The following FAM222A variants were observed in gnomAD, a reference collection of about 807,000 sequenced individuals.
FAM222A encodes family with sequence similarity 222 member A, also known as protein FAM222A.
A neutral mutation model predicts 25.8 loss-of-function variants in FAM222A; 7 were observed. The ratio of observed to expected loss-of-function variants is 0.27; its 90% confidence interval spans 0.15 to 0.51. FAM222A has a LOEUF of 0.51. Among genes scored for constraint, FAM222A ranks in the 20% least tolerant of loss-of-function variants. The pLI, the probability that FAM222A is intolerant of heterozygous loss-of-function variation, is 0.97. For synonymous variants in FAM222A, 294 were observed against 298.8 expected, an observed-to-expected ratio of 0.98 and a Z score of 0.17; for missense variants, 573 against 640.5, an observed-to-expected ratio of 0.89 and a Z score of 1.14.
At position 109,768,755 on chromosome 12, in the gene FAM222A, G is replaced by T; in HGVS notation, c.826G>T (p.Ala276Ser). The change falls in exon 3 of 3, where the codon GCA becomes TCA. Residue 276 changes from alanine (A) to serine (S), a missense_variant. Coordinates refer to ENST00000538780, the MANE Select transcript of FAM222A (RefSeq NM_032829.3). Reference sequence around the variant, plus strand: ...GACGTTGGCTGGGGCCGCCAAGCCTGCAGGGTACGCAGACAGCGGCCTGGA... The same window carrying T: ...GACGTTGGCTGGGGCCGCCAAGCCTTCAGGGTACGCAGACAGCGGCCTGGA... ...ALTLAGAAKP[A>S]GYADSGLDYL... 1 of 1,581,320 alleles carries T rather than the reference G, an allele frequency of 6.3e-7. No homozygotes were observed. The highest frequency in any genetic ancestry group is 1.1e-5 in the South Asian group (1 of 88,526).
Position 109,769,840 on chromosome 12 carries a change from A to T in FAM222A, c.*552A>T, listed in dbSNP as rs1349893987. The stretch of plus-strand genomic sequence containing the variant: ...GACCACTCTGACAGAGGCTCCAGGG[A>T]CTATACCAGTCCCCCTGTTCCTCCT... On this transcript the variant is annotated 3_prime_UTR_variant, in exon 3 of 3. Transcript: ENST00000538780. The T allele has an allele frequency of 6.4e-6, 1 of 156,248 alleles. No homozygotes were observed. The allele number at this position is 156,248 out of a possible 1,614,324, so 9.7% of individuals were successfully genotyped here.
chr12:109,753,738 CG>C (rs1351050604), intron 2 of FAM222A, among the ~76,000 whole-genome samples: 1 of 151,312 alleles, frequency 6.6e-6, no homozygotes, highest in Non-Finnish European at 1.5e-5. Context: ...CTCAGGACGC[CG>C]ACAGGCTGGA....
chr12:109,756,181 G>A (rs923391162), intron 2 of FAM222A, among the ~76,000 whole-genome samples: 3 of 152,000 alleles, frequency 2.0e-5, no homozygotes, highest in Admixed American at 6.6e-5. Context: ...TTCCTCAGTC[G>A]TCTTTTTGAT....
intron 1 of FAM222A, among the ~76,000 whole-genome samples, chr12:109,722,326 G>A (rs555965001): frequency 2.0e-5 from 3 of 152,348 alleles, no homozygotes; most frequent in South Asian, 4.1e-4. Flanking sequence ...TCTTTCAGCA[G>A]AGTAACAGTG....
At chr12:109,718,716 C>T (rs370537212) in intron 1 of FAM222A, among the ~76,000 whole-genome samples, 10 of 152,232 alleles carry the variant, frequency 6.6e-5, no homozygotes, top group African/African-American at 2.4e-4. Flanking sequence ...CGCCGCCCGC[C>T]GCCCTGATTG....
intron 2 of FAM222A, among the ~76,000 whole-genome samples, chr12:109,748,235 T>C (rs1484268766): frequency 6.6e-6 from 1 of 152,150 alleles, no homozygotes; most frequent in Non-Finnish European, 1.5e-5. Flanking sequence ...CCCCAGTTGG[T>C]CATGGTAAAT....
At chr12:109,733,024 G>A (rs1296397903) in intron 1 of FAM222A, among the ~76,000 whole-genome samples, 1 of 152,166 alleles carries the variant, frequency 6.6e-6, no homozygotes, top group Non-Finnish European at 1.5e-5. Flanking sequence ...GCAGAAGGTT[G>A]CCAGCTTGAC....
rs1280623217 is a variant in FAM222A, at chr12:109,739,608, T to C, written c.-46-4493T>C. Reference sequence around the variant, plus strand: ...CCCTTCCCCTCCTCTCACCCCTTCCTTCTGTGATCCCAGCCCCTCCCACAG... The same window carrying C: ...CCCTTCCCCTCCTCTCACCCCTTCCCTCTGTGATCCCAGCCCCTCCCACAG... On this transcript the variant is annotated intron_variant, in intron 1 of 2. Transcript: ENST00000538780. 2.6e-5 allele frequency among the ~76,000 whole-genome samples: 4 copies of C among 152,248 alleles called. 1 individual carries two copies. In the South Asian group the frequency reaches 6.2e-4, roughly 24 times the overall value.
chr12:109,742,582 T>A (rs1035554609), intron 1 of FAM222A, among the ~76,000 whole-genome samples: 5 of 150,162 alleles, frequency 3.3e-5, no homozygotes, highest in Non-Finnish European at 4.4e-5. Context: ...TCCCCTCCCC[T>A]CCATCCTCCA....
chr12:109,718,289 C>CGACA (rs1887682613), intron 1 of FAM222A, among the ~76,000 whole-genome samples: 1 of 151,128 alleles, frequency 6.6e-6, no homozygotes, highest in Admixed American at 6.6e-5. Flanking sequence ...GCTTCTCTGT[C>CGACA]CACTGAGGCC....
intron 2 of FAM222A, among the ~76,000 whole-genome samples, chr12:109,765,160 G>C (rs914384578): frequency 6.6e-6 from 1 of 152,212 alleles, no homozygotes; most frequent in Non-Finnish European, 1.5e-5. Flanking sequence ...ACCTCCCATG[G>C]CTGCCCAGTG....
At chr12:109,750,054 A>G (rs1445846655) in intron 2 of FAM222A, among the ~76,000 whole-genome samples, 1 of 152,168 alleles carries the variant, frequency 6.6e-6, no homozygotes, top group African/African-American at 2.4e-5. Context: ...ATTTATTGAT[A>G]TGACACATGT....
intron 1 of FAM222A, among the ~76,000 whole-genome samples, chr12:109,739,965 C>T (rs1004476531): frequency 6.6e-6 from 1 of 152,236 alleles, no homozygotes; most frequent in Non-Finnish European, 1.5e-5. Context: ...GCATGTTGCT[C>T]TTTCAGAGCT....
At position 109,769,228 on chromosome 12, in the gene FAM222A, G is replaced by T; in HGVS notation, c.1299G>T (p.Val433=). Residue 433 remains valine (V), a synonymous_variant, in exon 3 of 3, where the codon GTG becomes GTT. Coordinates refer to ENST00000538780, the MANE Select transcript of FAM222A (RefSeq NM_032829.3). The part of the protein sequence containing the change: ...EQMLGKGYET[V]AVPRLLDHQH... ...TGCTGGGCAAGGGCTATGAGACGGT[G>T]GCCGTGCCCCGGCTACTCGACCACC... 1 of 1,611,914 alleles carries T rather than the reference G, an allele frequency of 6.2e-7. No homozygotes were observed.
At chr12:109,759,427 C>T (rs1221240594) in intron 2 of FAM222A, among the ~76,000 whole-genome samples, 2 of 152,182 alleles carry the variant, frequency 1.3e-5, no homozygotes, top group Non-Finnish European at 2.9e-5. Context: ...CAACCCACTC[C>T]GCCTGCCCTG....
rs1049485682 is a variant in FAM222A, at chr12:109,757,355, G to A, written c.83-10657G>A. ...AAAGAAGTATCAGGGTTGGGGAAGG[G>A]GCTTGTCCTGTTACAGCTTCAAGTT... On this transcript the variant is annotated intron_variant, in intron 2 of 2. Coordinates refer to ENST00000538780, the MANE Select transcript of FAM222A (RefSeq NM_032829.3). Among the ~76,000 whole-genome samples the A allele has an allele frequency of 1.3e-5, 2 of 152,162 alleles. 1 individual carries two copies. The highest frequency in any genetic ancestry group is 1.3e-4 in the Admixed American group (2 of 15,278).
At chr12:109,736,780 C>T (rs1330636457) in intron 1 of FAM222A, among the ~76,000 whole-genome samples, 2 of 152,198 alleles carry the variant, frequency 1.3e-5, no homozygotes, top group Non-Finnish European at 2.9e-5. Flanking sequence ...ACTATGCTCT[C>T]AGGCTGTACC....
chr12:109,715,151 C>T (rs559762285), intron 1 of FAM222A, among the ~76,000 whole-genome samples: 2 of 152,138 alleles, frequency 1.3e-5, no homozygotes, highest in South Asian at 2.1e-4. Flanking sequence ...TCACCCCACC[C>T]GTAAAGCTAA....
chr12:109,713,975 GGC>G lies in FAM222A; in HGVS notation c.-962_-961del, dbSNP rs1887585043. ...CGGGCCTGAGACCAGGCGAGGCGCC[GGC>G]GCGCGCCAGACGGCGCGAGGCTGCG... On this transcript the variant is annotated 5_prime_UTR_variant, in exon 1 of 3. Coordinates refer to ENST00000538780, the MANE Select transcript of FAM222A (RefSeq NM_032829.3). Among the ~76,000 whole-genome samples the G allele has an allele frequency of 1.4e-5, 2 of 146,250 alleles. No homozygotes were observed. The highest frequency in any genetic ancestry group is 3.0e-5 in the Non-Finnish European group (2 of 65,800).
Sources: gnomAD v4.1 joint callset for allele counts (sites outside exome capture counted in the v4.1 genomes callset) on GRCh38, gnomAD v4.1.1 for gene constraint, MANE v1.5 for transcripts, NCBI Gene and HGNC (gene_info 2026-07-23, HGNC 2026-07-21) for gene names.